The following TP63 variants were observed in gnomAD, a reference collection of about 807,000 sequenced individuals.
TP63 encodes the protein tumor protein 63.
A neutral mutation model predicts 82.8 loss-of-function variants in TP63; 17 were observed. The observed-to-expected ratio is 0.21, with a 90% CI of 0.14 to 0.31. The LOEUF (loss-of-function observed/expected upper bound fraction) is 0.31, where lower values mean the gene tolerates loss of function less well. TP63 is among the 10% of genes least tolerant of loss of function. TP63 has a pLI of 1.00. For missense variants in TP63, 648 were observed against 895.3 expected (o/e 0.72, Z 3.52); for synonymous variants, 330 against 321.7 (o/e 1.03, Z -0.28).
chr3:189,717,854 G>C (rs543445703), intron 1 of TP63, among the ~76,000 whole-genome samples: 6 of 152,290 alleles, frequency 3.9e-5, no homozygotes, highest in Admixed American at 2.0e-4. Context: ...GGAAGACATA[G>C]AGTTAGTAGT....
chr3:189,890,300 C>T (rs1720885171), intron 12 of TP63, among the ~76,000 whole-genome samples: 2 of 152,136 alleles, frequency 1.3e-5, no homozygotes, highest in Admixed American at 6.5e-5. Context: ...GGATCTGTAT[C>T]CTGAGAAGGA....
chr3:189,746,619 C>G (rs1226131297), intron 3 of TP63, among the ~76,000 whole-genome samples: 1 of 151,798 alleles, frequency 6.6e-6, no homozygotes, highest in African/African-American at 2.4e-5. Context: ...AAGTGACCAA[C>G]TGTTAAATAA....
At chr3:189,746,508 G>A (rs1434391273) in intron 3 of TP63, among the ~76,000 whole-genome samples, 2 of 150,958 alleles carry the variant, frequency 1.3e-5, no homozygotes, top group Non-Finnish European at 1.5e-5. Flanking sequence ...TAAAAACAAA[G>A]AAAAGTCTCA....
Position 189,831,314 on chromosome 3 carries a change from C to T in TP63, c.579+22788C>T, listed in dbSNP as rs188082285. 2.7e-3 allele frequency among the ~76,000 whole-genome samples: 417 copies of T among 152,192 alleles called. 1 individual carries two copies. The highest frequency in any genetic ancestry group is 4.5e-3 in the Non-Finnish European group (305 of 68,022). On this transcript the variant is annotated intron_variant, in intron 4 of 13. Transcript: ENST00000264731. Reference sequence around the variant, plus strand: ...GATCCTTATTTATTTTCCGTCTAATCGATTGACTTTATAAATCTATTGCAG... The same window carrying T: ...GATCCTTATTTATTTTCCGTCTAATTGATTGACTTTATAAATCTATTGCAG...
chr3:189,809,325 A>T (rs1727280724), intron 4 of TP63, among the ~76,000 whole-genome samples: 1 of 152,220 alleles, frequency 6.6e-6, no homozygotes, highest in African/African-American at 2.4e-5. Flanking sequence ...CTTTCTGTAT[A>T]TAACTTTTCT....
At chr3:189,608,497 G>A in the TP63 span, among the ~76,000 whole-genome samples, 2 of 152,034 alleles carry the variant, frequency 1.3e-5, no homozygotes, top group Non-Finnish European at 2.9e-5. Flanking sequence ...CAATGGTAAG[G>A]GCATTAGATA....
At chr3:189,620,168 C>T in the TP63 span, among the ~76,000 whole-genome samples, 13 of 152,224 alleles carry the variant, frequency 8.5e-5, no homozygotes, top group East Asian at 2.1e-3. Context: ...GTCAAGAGAT[C>T]GAGACCATCC....
intron 1 of TP63, among the ~76,000 whole-genome samples, chr3:189,734,882 T>C (rs1267677053): frequency 6.6e-6 from 1 of 152,118 alleles, no homozygotes; most frequent in East Asian, 1.9e-4. Flanking sequence ...CTTTCCAGGA[T>C]CTTGAAATTT....
In TP63 at chr3:189,758,120, T is replaced by A. The variant is rs188111964; in HGVS notation, c.324+19346T>A. The stretch of plus-strand genomic sequence containing the variant: ...AGTGGGTGGAGGTATGGTTTGGGAA[T>A]GAAACTGTTCTACCTCAGATCATCA... On this transcript the variant is annotated intron_variant, in intron 3 of 13. Transcript: ENST00000264731. Among the ~76,000 whole-genome samples the A allele has an allele frequency of 1.8e-3, 271 of 152,306 alleles. 1 individual carries two copies. The highest frequency in any genetic ancestry group is 3.5e-3 in the Admixed American group (53 of 15,298).
intron 1 of TP63, among the ~76,000 whole-genome samples, chr3:189,730,694 A>T (rs186792563): frequency 1.3e-5 from 2 of 152,266 alleles, no homozygotes; most frequent in Non-Finnish European, 2.9e-5. Flanking sequence ...AGGATATCCC[A>T]GTTTGATCAC....
chr3:189,777,185 AT>A (rs565315671), intron 3 of TP63, among the ~76,000 whole-genome samples: 114 of 148,880 alleles, frequency 7.7e-4, no homozygotes, highest in Non-Finnish European at 1.5e-3. Flanking sequence ...TCACCCTGTT[AT>A]TTTTTTATGT....
chr3:189,620,658 T>G, the TP63 span, among the ~76,000 whole-genome samples: 3 of 152,170 alleles, frequency 2.0e-5, no homozygotes, highest in East Asian at 5.8e-4. Flanking sequence ...AAATCACGCA[T>G]CAAAGATGTC....
intron 1 of TP63, 41 bp downstream of exon 1, chr3:189,631,618 G>GT: frequency 1.2e-6 from 2 of 1,611,868 alleles, no homozygotes; most frequent in Non-Finnish European, 1.7e-6. Context: ...AAACTTAATT[G>GT]AAGTGCCTTG....
chr3:189,631,233 G>A (rs1729439499), upstream of TP63: 5 of 985,396 alleles, frequency 5.1e-6, no homozygotes, highest in East Asian at 1.1e-4. Flanking sequence ...CTCTGAAGCC[G>A]TGAGAGAGGG....
rs186439925 is a variant in TP63 at position 189,691,037 on chromosome 3, A to G, written c.63-46703A>G. On this transcript the variant is annotated intron_variant, in intron 1 of 13. Coordinates refer to ENST00000264731, the MANE Select transcript of TP63 (RefSeq NM_003722.5). ...CCTTCTTCACTACTGCCAGAGATTT[A>G]GAAAGGTAATTGATTGTGGCTCGGT... is the stretch of plus-strand genomic sequence containing the variant. Among the ~76,000 whole-genome samples, 471 of 152,204 alleles carry G rather than the reference A, an allele frequency of 3.1e-3. 3 individuals carry two copies. Among genetic ancestry groups the G allele is most frequent in the Admixed American group, 0.014 (220 of 15,284 alleles).
chr3:189,754,959 T>A (rs1349878604), intron 3 of TP63, among the ~76,000 whole-genome samples: 2 of 146,704 alleles, frequency 1.4e-5, no homozygotes, highest in Non-Finnish European at 3.0e-5. Flanking sequence ...TAAAGGCTGC[T>A]GCTTTTTTTT....
chr3:189,825,726 C>T (rs948583949), intron 4 of TP63, among the ~76,000 whole-genome samples: 2 of 152,148 alleles, frequency 1.3e-5, no homozygotes, highest in South Asian at 2.1e-4. Context: ...TAGTGGAAGC[C>T]TTCTCTTTTG....
intron 4 of TP63, among the ~76,000 whole-genome samples, chr3:189,822,257 C>T (rs918631985): frequency 1.3e-5 from 2 of 152,154 alleles, no homozygotes; most frequent in African/African-American, 4.8e-5. Flanking sequence ...CTACCTTATT[C>T]ATAGATTTGT....
chr3:189,870,453 A>G (rs539938723), intron 9 of TP63, among the ~76,000 whole-genome samples: 55 of 152,342 alleles, frequency 3.6e-4, no homozygotes, highest in Admixed American at 8.5e-4. Flanking sequence ...TACAGAGGAT[A>G]TGCATAGGTT....
Sources: allele counts gnomAD v4.1 joint callset (sites outside exome capture counted in the v4.1 genomes callset), GRCh38; gene constraint gnomAD v4.1.1; transcripts MANE v1.5; gene names NCBI Gene and HGNC (gene_info 2026-07-23, HGNC 2026-07-21).